Variants in PIGB observed in about 807,000 individuals in gnomAD.
PIGB encodes phosphatidylinositol glycan anchor biosynthesis class B.
In PIGB, 58 loss-of-function variants were observed where a neutral mutation model predicts 68.4. That is an observed-to-expected ratio of 0.85 (90% CI 0.69 to 1.06). The LOEUF (loss-of-function observed/expected upper bound fraction) is 1.06, where lower values mean the gene tolerates loss of function less well. PIGB is among the 50% of genes least tolerant of loss of function. PIGB has a pLI of 0.00. For missense variants in PIGB, 634 were observed against 655.8 expected (o/e 0.97, Z 0.36); for synonymous variants, 219 against 220.5 (o/e 0.99, Z 0.06).
At chr15:55,336,129 G>A (rs2055530040) in intron 6 of PIGB, among the ~76,000 whole-genome samples, 1 of 152,130 alleles carries the variant, frequency 6.6e-6, no homozygotes, top group African/African-American at 2.4e-5. Context: ...AGTCAGGCAA[G>A]GCACAGTGGC....
chr15:55,319,456 A>C, intron 1 of PIGB, 43 bp downstream of exon 1: 1 of 1,470,540 alleles, frequency 6.8e-7, no homozygotes, highest in Non-Finnish European at 9.2e-7. Context: ...ACCCCCATCT[A>C]AAAGGAACCC....
chr15:55,344,519 A>G (rs2055745640), intron 9 of PIGB, among the ~76,000 whole-genome samples: 1 of 152,214 alleles, frequency 6.6e-6, no homozygotes, highest in African/African-American at 2.4e-5. Context: ...ATAAATGCCA[A>G]CCTCATAGTG....
rs1409834249 is a variant in PIGB, at chr15:55,320,055, G to C, written c.164-220G>C. On this transcript the variant is annotated intron_variant, in intron 1 of 11. Transcript: ENST00000164305. The stretch of plus-strand genomic sequence containing the variant: ...TTTTAATATTATCTTTACACAATAA[G>C]TTGCAAGAAAAGTTGGTTAAACTAA... 6.6e-5 allele frequency: 25 copies of C among 380,156 alleles called. No individual in the cohort carries two copies. In the East Asian group the frequency reaches 1.0e-3, roughly 15 times the overall value. The allele number at this position is 380,156 out of a possible 1,614,324, so 23.5% of individuals were successfully genotyped here.
intron 6 of PIGB, among the ~76,000 whole-genome samples, chr15:55,337,647 G>A (rs1595787346): frequency 6.6e-6 from 1 of 152,124 alleles, no homozygotes; most frequent in Non-Finnish European, 1.5e-5. Context: ...GTTAGGGACC[G>A]CTACCTTAGG....
intron 7 of PIGB, 134 bp from the exon 8 acceptor site, chr15:55,340,475 AATT>A (rs2055644177): frequency 1.9e-6 from 1 of 522,956 alleles, no homozygotes; most frequent in Non-Finnish European, 3.2e-6. Flanking sequence ...AAAAAAAAAA[AATT>A]ATTAATGTAA....
chr15:55,331,751 GC>G (rs754665353), intron 5 of PIGB, among the ~76,000 whole-genome samples: 7 of 151,828 alleles, frequency 4.6e-5, no homozygotes, highest in Non-Finnish European at 8.8e-5. Context: ...TCTTTAGGTT[GC>G]CCAGCTGGTG....
intron 5 of PIGB, among the ~76,000 whole-genome samples, chr15:55,332,879 C>T (rs1477865987): frequency 6.6e-6 from 1 of 152,164 alleles, no homozygotes; most frequent in African/African-American, 2.4e-5. Context: ...ATCTGTATTT[C>T]TATCCATGAT....
chr15:55,324,721 C>A, intron 3 of PIGB: 1 of 564,528 alleles, frequency 1.8e-6, no homozygotes, highest in Non-Finnish European at 2.2e-6. Context: ...AGCTACCTCA[C>A]ACTGTTGGCT....
intron 10 of PIGB, among the ~76,000 whole-genome samples, chr15:55,353,663 C>T (rs1344266979): frequency 2.0e-5 from 3 of 152,108 alleles, no homozygotes; most frequent in South Asian, 4.2e-4. Context: ...AGTGCAGTGG[C>T]GTATGATCTC....
Position 55,327,544 on chromosome 15 carries a change from G to C in PIGB, c.431G>C (p.Arg144Thr). 6.2e-7 allele frequency: 1 copy of C among 1,606,538 alleles called. No homozygotes were observed. Among genetic ancestry groups the C allele is most frequent in the Non-Finnish European group, 8.5e-7 (1 of 1,176,094 alleles). ...DSVQLLIWIPRLAQALLSAVA... is the reference protein window; with the variant it reads ...DSVQLLIWIPTLAQALLSAVA... The stretch of plus-strand genomic sequence containing the variant: ...TAACTGATGAAGATTTGGATTCCTA[G>C]ACTTGCCCAAGCACTTCTGTCTGCT... Residue 144 changes from arginine to threonine, a missense_variant, in exon 4 of 12, where the codon AGA becomes ACA. Arg to Thr is a moderately conservative substitution (Grantham distance 71). Coordinates refer to ENST00000164305, the MANE Select transcript of PIGB (RefSeq NM_004855.5).
intron 10 of PIGB, 72 bp downstream of exon 10, chr15:55,350,984 C>T: frequency 3.9e-6 from 3 of 759,984 alleles, no homozygotes; most frequent in African/African-American, 1.8e-5. Flanking sequence ...CTTTCAGATT[C>T]CTGGATTTGA....
rs181101730 is a variant in PIGB, at chr15:55,343,989, T to C, written c.1123+2187T>C. Among the ~76,000 whole-genome samples, 3 of 152,356 alleles carry C rather than the reference T, an allele frequency of 2.0e-5. No homozygotes were observed. In the East Asian group the frequency reaches 5.8e-4, roughly 29 times the overall value. The stretch of plus-strand genomic sequence containing the variant: ...GTTCTCTTTGGAGCTCTTGATGTTT[T>C]AGTGACCCAGTTTGAATCTTTCCTA... On this transcript the variant is annotated intron_variant, in intron 9 of 11. Coordinates refer to ENST00000164305, the MANE Select transcript of PIGB (RefSeq NM_004855.5).
At chr15:55,346,906 C>A (rs1450812762) in intron 9 of PIGB, among the ~76,000 whole-genome samples, 1 of 152,174 alleles carries the variant, frequency 6.6e-6, no homozygotes, top group African/African-American at 2.4e-5. Context: ...ACTGGAAAAT[C>A]TTTCCAACCC....
chr15:55,322,959 T>C (rs1278055476), intron 3 of PIGB, among the ~76,000 whole-genome samples: 1 of 152,160 alleles, frequency 6.6e-6, no homozygotes, highest in East Asian at 1.9e-4. Flanking sequence ...TGAAGAGGTC[T>C]TCAAGATAGA....
chr15:55,320,343 G>T lies in PIGB; in HGVS notation c.232G>T (p.Val78Leu). The T allele has an allele frequency of 6.2e-7, 1 of 1,613,112 alleles. No individual in the cohort carries two copies. Among genetic ancestry groups the T allele is most frequent in the South Asian group, 1.1e-5 (1 of 91,042 alleles). ...TTTACGAATATTAAACTGCTTTTTAGTGCAGACAAGTTTTGTTCCAGATGA... is the reference window on the plus strand; with the variant it reads ...TTTACGAATATTAAACTGCTTTTTATTGCAGACAAGTTTTGTTCCAGATGA... ...IALRILNCFLVQTSFVPDEYW... is the reference protein window; with the variant it reads ...IALRILNCFLLQTSFVPDEYW... The change falls in exon 2 of 12, where the codon GTG (valine) becomes TTG (leucine). Residue 78 changes from valine to leucine, a missense_variant. By Grantham distance (32) the Val-to-Leu change is conservative (BLOSUM62 1). Transcript: ENST00000164305.
At chr15:55,326,219 CAAA>C in intron 3 of PIGB, among the ~76,000 whole-genome samples, 1 of 132,116 alleles carries the variant, frequency 7.6e-6, no homozygotes, top group South Asian at 2.4e-4. Context: ...GACTCCGTCT[CAAA>C]AAAAAAAAAA....
At chr15:55,350,536 AGTGAATG>A (rs748514146) in intron 9 of PIGB, 156 bp from the exon 10 acceptor site, 22 of 615,420 alleles carry the variant, frequency 3.6e-5, no homozygotes, top group Non-Finnish European at 5.5e-5. Flanking sequence ...AGATGACAGT[AGTGAATG>A]GTGAATGGTC....
chr15:55,352,084 G>T (rs57750850), intron 10 of PIGB, among the ~76,000 whole-genome samples: 5 of 151,186 alleles, frequency 3.3e-5, no homozygotes, highest in African/African-American at 1.2e-4. Flanking sequence ...GAGTAGCTAA[G>T]ATTACAGGAA....
chr15:55,320,344 T>A lies in PIGB; in HGVS notation c.233T>A (p.Val78Glu). The A allele has an allele frequency of 6.2e-7, 1 of 1,613,250 alleles. No homozygotes were observed. The highest frequency in any genetic ancestry group is 8.5e-7 in the Non-Finnish European group (1 of 1,179,284). The change falls in exon 2 of 12, where the codon GTG (valine) becomes GAG (glutamate). Residue 78 changes from valine (V) to glutamate (E), a missense_variant. Transcript: ENST00000164305. ...TTACGAATATTAAACTGCTTTTTAG[T>A]GCAGACAAGTTTTGTTCCAGATGAA... is the stretch of plus-strand genomic sequence containing the variant. The part of the protein sequence containing the change: ...IALRILNCFL[V>E]QTSFVPDEYW...
Sources: gnomAD v4.1 joint callset for allele counts (sites outside exome capture counted in the v4.1 genomes callset) on GRCh38, gnomAD v4.1.1 for gene constraint, MANE v1.5 for transcripts, NCBI Gene and HGNC (gene_info 2026-07-23, HGNC 2026-07-21) for gene names.